Variants in PALM observed in about 807,000 individuals in gnomAD.
PALM encodes paralemmin, also known as paralemmin-1.
PALM carries 18 observed loss-of-function variants against 30.7 expected under a neutral mutation model. That is an observed-to-expected ratio of 0.59 (90% CI 0.41 to 0.87). The LOEUF is 0.87. PALM is among the 40% of genes least tolerant of loss of function. PALM has a pLI of 0.00. For missense variants in PALM, 529 were observed against 555.4 expected (o/e 0.95, Z 0.48); for synonymous variants, 286 against 242.8 (o/e 1.18, Z -1.66).
intron 8 of PALM, among the ~76,000 whole-genome samples, chr19:744,299 C>G (rs2033272023): frequency 6.6e-6 from 1 of 151,154 alleles, no homozygotes; most frequent in Non-Finnish European, 1.5e-5. Flanking sequence ...AGTCAGGAGG[C>G]TGAGGCAGGA....
intron 1 of PALM, among the ~76,000 whole-genome samples, chr19:713,039 G>A (rs1335570092): frequency 1.3e-5 from 2 of 152,178 alleles, no homozygotes; most frequent in East Asian, 1.9e-4. Context: ...GTGGTCCAGT[G>A]GCACATGTAA....
At chr19:737,337 G>A (rs1207943928) in intron 7 of PALM, among the ~76,000 whole-genome samples, 3 of 152,204 alleles carry the variant, frequency 2.0e-5, no homozygotes, top group African/African-American at 7.2e-5. Flanking sequence ...CAACAGTGTG[G>A]GCAGCTCTGG....
At position 709,472 on chromosome 19, in the gene PALM, G is replaced by A. The variant is rs1236081743; in HGVS notation, c.5+321G>A. ...GCCCGCGCCCCGCCCGCGTCTCCAGGGCGAGCCTCGGCTCTCGGCCACCTG... is the reference window on the plus strand; with the variant it reads ...GCCCGCGCCCCGCCCGCGTCTCCAGAGCGAGCCTCGGCTCTCGGCCACCTG... On this transcript the variant is annotated intron_variant, in intron 1 of 8. Coordinates refer to ENST00000338448, the MANE Select transcript of PALM (RefSeq NM_002579.3). The surrounding 1 kb of genome is among the most constrained non-coding windows in gnomAD (Gnocchi z 4.3). Among the ~76,000 whole-genome samples the A allele has an allele frequency of 1.3e-5, 2 of 152,062 alleles. No homozygotes were observed. Among genetic ancestry groups the A allele is most frequent in the South Asian group, 4.1e-4 (2 of 4,828 alleles).
intron 1 of PALM, among the ~76,000 whole-genome samples, chr19:713,612 G>A (rs572022524): frequency 1.3e-5 from 2 of 152,236 alleles, no homozygotes; most frequent in African/African-American, 4.8e-5. Flanking sequence ...ACACAGTCTC[G>A]CTGTCACCCA....
intron 1 of PALM, among the ~76,000 whole-genome samples, chr19:720,250 G>C (rs1305926850): frequency 6.6e-6 from 1 of 151,930 alleles, no homozygotes; most frequent in Non-Finnish European, 1.5e-5. Context: ...GGACGGCGCG[G>C]TTGCCACGGC....
intron 1 of PALM, among the ~76,000 whole-genome samples, chr19:714,419 C>T (rs372884967): frequency 1.1e-4 from 15 of 133,304 alleles, no homozygotes; most frequent in Non-Finnish European, 1.7e-4. Context: ...AGTGCAGTGG[C>T]GAGATCTCGG....
Position 742,149 on chromosome 19 carries a change from C to G in PALM, c.634+1666C>G, listed in dbSNP as rs1224314789. On this transcript the variant is annotated intron_variant, in intron 8 of 8. Coordinates refer to ENST00000338448, the MANE Select transcript of PALM (RefSeq NM_002579.3). The surrounding 1 kb of genome is among the most constrained non-coding windows in gnomAD (Gnocchi z 5.5). ...TCCAGCCTGGGCCACAGACCAAGAC[C>G]CTGTCTCAAAAACAAGAAAGAGGAG... Among the ~76,000 whole-genome samples, 1 of 152,120 alleles carries G rather than the reference C, an allele frequency of 6.6e-6. No individual in the cohort carries two copies. Among genetic ancestry groups the G allele is most frequent in the Non-Finnish European group, 1.5e-5 (1 of 68,016 alleles).
intron 1 of PALM, among the ~76,000 whole-genome samples, chr19:720,838 A>G (rs1315455813): frequency 2.0e-5 from 3 of 152,132 alleles, no homozygotes; most frequent in Non-Finnish European, 4.4e-5. Context: ...CTGAGCGGCC[A>G]CCTGCCTGCC....
At chr19:718,923 G>T (rs1345799776) in intron 1 of PALM, among the ~76,000 whole-genome samples, 1 of 152,050 alleles carries the variant, frequency 6.6e-6, no homozygotes, top group Non-Finnish European at 1.5e-5. Context: ...GGAGACACAG[G>T]CTCTGAGGAC....
At chr19:716,839 A>G (rs928455026) in intron 1 of PALM, among the ~76,000 whole-genome samples, 8 of 152,078 alleles carry the variant, frequency 5.3e-5, no homozygotes, top group Non-Finnish European at 8.8e-5. Context: ...TATGTATATC[A>G]TTCTTAACAG....
At chr19:737,972 G>A (rs189488892) in intron 7 of PALM, among the ~76,000 whole-genome samples, 2 of 152,256 alleles carry the variant, frequency 1.3e-5, no homozygotes, top group Admixed American at 1.3e-4. Flanking sequence ...GACCGTGGAC[G>A]GTGCCAGGTG....
intron 1 of PALM, among the ~76,000 whole-genome samples, chr19:711,020 G>T (rs1426746694): frequency 1.3e-5 from 2 of 152,270 alleles, no homozygotes; most frequent in African/African-American, 4.8e-5. Flanking sequence ...AGATTTTCCA[G>T]TCGAAGACAC....
chr19:743,401 A>C (rs376220892), intron 8 of PALM, among the ~76,000 whole-genome samples: 1 of 152,114 alleles, frequency 6.6e-6, no homozygotes, highest in African/African-American at 2.4e-5. Context: ...ATCCGTTTCC[A>C]TGGCAGCCGA....
At chr19:729,918 C>A (rs549316894) in intron 4 of PALM, among the ~76,000 whole-genome samples, 1 of 152,182 alleles carries the variant, frequency 6.6e-6, no homozygotes, top group East Asian at 1.9e-4. Flanking sequence ...AGTTACTGGC[C>A]GTGGGGGCTG....
intron 1 of PALM, among the ~76,000 whole-genome samples, chr19:716,162 A>C (rs1252347520): frequency 6.6e-6 from 1 of 152,186 alleles, no homozygotes; most frequent in Non-Finnish European, 1.5e-5. Context: ...CTGTAATCCC[A>C]GCACTTTGGG....
rs779623537 is a variant in PALM, at chr19:746,285, T to G, written c.635T>G (p.Val212Gly). ...ATTCTCTCTGTCTCTCCTTGTACAG[T>G]GGTCCATGCTGTGGACGGCACCGCC... is the stretch of plus-strand genomic sequence containing the variant. ...GIKVYEDETK[V>G]VHAVDGTAEN... The change falls in exon 9 of 9, where the codon GTG (valine) becomes GGG (glycine). Residue 212 changes from valine to glycine, a missense_variant and splice_region_variant. Val to Gly is a moderately radical substitution (Grantham distance 109, BLOSUM62 -3). Coordinates refer to ENST00000338448, the MANE Select transcript of PALM (RefSeq NM_002579.3). The surrounding 1 kb of genome is among the most constrained non-coding windows in gnomAD (Gnocchi z 7.1). The G allele has an allele frequency of 1.2e-6, 2 of 1,611,092 alleles. No homozygotes were observed. Among genetic ancestry groups the G allele is most frequent in the African/African-American group, 2.7e-5 (2 of 74,744 alleles).
At chr19:734,053 A>T in intron 5 of PALM, 120 bp from the exon 6 acceptor site, 1 of 807,958 alleles carries the variant, frequency 1.2e-6, no homozygotes, top group South Asian at 1.5e-5. Context: ...TAGGATGAGA[A>T]GCGGGTGCGT....
At chr19:745,791 G>C (rs1599172247) in intron 8 of PALM, among the ~76,000 whole-genome samples, 1 of 151,996 alleles carries the variant, frequency 6.6e-6, no homozygotes, top group Non-Finnish European at 1.5e-5. Flanking sequence ...GGGCCTGGTG[G>C]CTCACGCCTG....
intron 8 of PALM, among the ~76,000 whole-genome samples, chr19:745,910 T>C (rs1367177026): frequency 6.6e-6 from 1 of 151,634 alleles, no homozygotes; most frequent in East Asian, 1.9e-4. Flanking sequence ...AATACAAAAT[T>C]AGCTGGGCGT....
Sources: allele counts gnomAD v4.1 joint callset (sites outside exome capture counted in the v4.1 genomes callset), GRCh38; gene constraint gnomAD v4.1.1; non-coding constraint Gnocchi (gnomAD v3.1); transcripts MANE v1.5; gene names NCBI Gene and HGNC (gene_info 2026-07-23, HGNC 2026-07-21).